Variants in CCDC88B observed in about 807,000 individuals in gnomAD.
CCDC88B encodes coiled-coil and HOOK domain protein 88B.
A neutral mutation model predicts 183.7 loss-of-function variants in CCDC88B; 138 were observed. That is an observed-to-expected ratio of 0.75 (90% confidence interval 0.65 to 0.87). The LOEUF (loss-of-function observed/expected upper bound fraction) is 0.87, where lower values mean the gene tolerates loss of function less well. CCDC88B is among the 40% of genes least tolerant of loss of function. The pLI is 0.00. For missense variants in CCDC88B, 1,822 were observed against 1,965.6 expected (o/e 0.93, Z 1.38); for synonymous variants, 835 against 867.5 (o/e 0.96, Z 0.66).
At position 64,351,479 on chromosome 11, in the gene CCDC88B, G is replaced by C; in HGVS notation, c.2962G>C (p.Ala988Pro). The change falls in exon 18 of 27, where the codon GCG becomes CCG. Residue 988 changes from alanine (A) to proline (P), a missense_variant. By Grantham distance (27) the Ala-to-Pro change is conservative (BLOSUM62 -1). Coordinates refer to ENST00000356786, the MANE Select transcript of CCDC88B (RefSeq NM_032251.6). ...GCTAACCCCCACTTCTGGGCAGAATGCGATGCTGGTGGCAGAGAAGGCAGC... is the reference window on the plus strand; with the variant it reads ...GCTAACCCCCACTTCTGGGCAGAATCCGATGCTGGTGGCAGAGAAGGCAGC... ...VRLIEVERSN[A>P]MLVAEKAALQ... 2 of 1,587,290 alleles carry C rather than the reference G, an allele frequency of 1.3e-6. No individual in the cohort carries two copies. The highest frequency in any genetic ancestry group is 1.7e-6 in the Non-Finnish European group (2 of 1,173,900).
chr11:64,353,022 C>A (rs745989236), intron 20 of CCDC88B, 32 bp from the exon 21 acceptor site: 5 of 1,553,646 alleles, frequency 3.2e-6, no homozygotes, highest in Admixed American at 1.9e-5. Flanking sequence ...GGACCCAGGT[C>A]CCTTGGAGAG....
intron 19 of CCDC88B, 118 bp downstream of exon 19, chr11:64,352,504 C>T (rs2036377636): frequency 7.1e-7 from 1 of 1,399,030 alleles, no homozygotes. Flanking sequence ...CTGTGATGCC[C>T]CGGCCACTGC....
rs754664428 is a variant in CCDC88B at position 64,343,219 on chromosome 11, C to A, written c.1103C>A (p.Ala368Glu). 2 of 1,545,290 alleles carry A rather than the reference C, an allele frequency of 1.3e-6. No individual in the cohort carries two copies. Among genetic ancestry groups the A allele is most frequent in the African/African-American group, 1.4e-5 (1 of 72,970 alleles). ...TCGGGGGTGCTGGAGGCGTCCAAGG[C>A]GCTGCTGGAAGAGCAGCTGGAGGCT... ...VLSGVLEASK[A>E]LLEEQLEAAR... The change falls in exon 11 of 27, where the codon GCG becomes GAG. Residue 368 changes from alanine (A) to glutamate (E), a missense_variant. Ala to Glu is a moderately radical substitution (Grantham distance 107). Transcript: ENST00000356786.
intron 16 of CCDC88B, 71 bp from the exon 17 acceptor site, chr11:64,351,089 G>A (rs1565054391): frequency 2.6e-6 from 3 of 1,139,188 alleles, no homozygotes; most frequent in Non-Finnish European, 3.6e-6. Context: ...AGGTCCATAA[G>A]CGCAGGTCCT....
chr11:64,355,851 T>A (rs2036531198), intron 26 of CCDC88B: 2 of 454,924 alleles, frequency 4.4e-6, no homozygotes, highest in Non-Finnish European at 7.8e-6. Flanking sequence ...ACTAGAAATA[T>A]GGTGTGAACC....
chr11:64,344,741 G>A lies in CCDC88B; in HGVS notation c.2200G>A (p.Val734Met), dbSNP rs1216234120. The stretch of plus-strand genomic sequence containing the variant: ...AGAGCAGGAGGCCCTCAGGGAGGAG[G>A]TGGCACAGTTGAGGAGAAAGGCTGA... The part of the protein sequence containing the change: ...VAEQEALREE[V>M]AQLRRKAEAL... The change falls in exon 14 of 27, where the codon GTG (valine) becomes ATG (methionine). Residue 734 changes from valine (V) to methionine (M), a missense_variant. Transcript: ENST00000356786. The surrounding 1 kb of genome is among the most constrained non-coding windows in gnomAD (Gnocchi z 4.5). 2 of 1,614,162 alleles carry A rather than the reference G, an allele frequency of 1.2e-6. No individual in the cohort carries two copies. Among genetic ancestry groups the A allele is most frequent in the East Asian group, 2.2e-5 (1 of 44,890 alleles).
At chr11:64,356,050 CTT>C (rs1203036249) in intron 26 of CCDC88B, 3 of 145,432 alleles carry the variant, frequency 2.1e-5, no homozygotes, top group African/African-American at 7.7e-5. Flanking sequence ...GAATTTCACT[CTT>C]TGGCTCACTG....
rs776516949 is a variant in CCDC88B at position 64,343,173 on chromosome 11, C to T, written c.1063-6C>T. 3.9e-6 allele frequency: 6 copies of T among 1,525,722 alleles called. No individual in the cohort carries two copies. The South Asian group carries it at 7.2e-5, about 18-fold the overall frequency. 94.5% of individuals were successfully genotyped at this position (1,525,722 alleles called of 1,614,324 possible). A position where few individuals can be genotyped will look rare whatever the true frequency, so the allele number is the denominator to read the frequency against. ...TGGCTACCGGTTCTCCCTGCTCTCC[C>T]ACCAGGAGGAGCGGGTGCTCTCGGG... On this transcript the variant is annotated splice_region_variant and splice_polypyrimidine_tract_variant and intron_variant, in intron 10 of 26. Transcript: ENST00000356786.
chr11:64,352,807 G>C lies in CCDC88B; in HGVS notation c.3420G>C (p.Glu1140Asp). ...CACAGGAGGTGGCCCTGCTGGCAGA[G>C]CGTGAACGCCTGATGCAAGATGGGC... ...VEAQEVALLAERERLMQDGHR... is the reference protein window; with the variant it reads ...VEAQEVALLADRERLMQDGHR... The change falls in exon 20 of 27, where the codon GAG (glutamate) becomes GAC (aspartate). Residue 1140 changes from glutamate to aspartate, a missense_variant. By Grantham distance (45) the Glu-to-Asp change is conservative. Transcript: ENST00000356786. 1 of 1,613,340 alleles carries C rather than the reference G, an allele frequency of 6.2e-7. No individual in the cohort carries two copies. The highest frequency in any genetic ancestry group is 8.5e-7 in the Non-Finnish European group (1 of 1,179,940).
intron 14 of CCDC88B, among the ~76,000 whole-genome samples, chr11:64,346,205 C>G (rs1456130025): frequency 6.6e-6 from 1 of 152,064 alleles, no homozygotes; most frequent in African/African-American, 2.4e-5. Flanking sequence ...GACGCAGTAG[C>G]CATGGTGTAA....
intron 26 of CCDC88B, chr11:64,356,767 T>C: frequency 2.1e-6 from 1 of 479,456 alleles, no homozygotes; most frequent in Non-Finnish European, 3.7e-6. Flanking sequence ...GCAGGCTGGT[T>C]GGAGTTTTAG....
chr11:64,347,012 T>C (rs2036139418), intron 14 of CCDC88B, among the ~76,000 whole-genome samples: 1 of 151,628 alleles, frequency 6.6e-6, no homozygotes, highest in South Asian at 2.1e-4. Flanking sequence ...GCCAGGATGG[T>C]CTCAATCTCT....
At chr11:64,341,959 T>C in intron 7 of CCDC88B, 35 bp from the exon 8 acceptor site, 1 of 1,606,104 alleles carries the variant, frequency 6.2e-7, no homozygotes, top group Non-Finnish European at 8.5e-7. Context: ...AGGCATTGGA[T>C]AAGTTAGTCC....
Position 64,344,363 on chromosome 11 carries a change from C to T in CCDC88B, c.1822C>T (p.Gln608Ter). Residue 608 changes from glutamine to a stop codon, truncating the protein, a stop_gained, in exon 14 of 27, where the codon CAG becomes TAG. Coordinates refer to ENST00000356786, the MANE Select transcript of CCDC88B (RefSeq NM_032251.6). LOFTEE classifies it high-confidence loss of function. This position sits in a 1 kb window ranked among gnomAD's most constrained non-coding sequence, Gnocchi z 4.5. ...GAGCCCTGCCTCTGTGGCCCCACCT[C>T]AGGGTCCAGGGACCAAAATTCAGGC... ...LQSPASVAPP[Q>*]GPGTKIQAPQ... 2 of 1,589,562 alleles carry T rather than the reference C, an allele frequency of 1.3e-6. No individual in the cohort carries two copies. Among genetic ancestry groups the T allele is most frequent in the Non-Finnish European group, 8.6e-7 (1 of 1,169,304 alleles).
rs552753811 is a variant in CCDC88B, at chr11:64,343,767, C to T, written c.1319-11C>T. The T allele has an allele frequency of 2.3e-5, 36 of 1,557,832 alleles. No individual in the cohort carries two copies. Among genetic ancestry groups the T allele is most frequent in the Non-Finnish European group, 3.0e-5 (34 of 1,150,082 alleles). The stretch of plus-strand genomic sequence containing the variant: ...TAAAGGAGGGGTCCTGACCTCATCT[C>T]TCATCCTCAGCACCCCTAGCAGGAG... On this transcript the variant is annotated splice_polypyrimidine_tract_variant and intron_variant, in intron 12 of 26. Transcript: ENST00000356786.
rs561060352 is a variant in CCDC88B, at chr11:64,353,424, G to A, written c.3761G>A (p.Arg1254Gln). The A allele has an allele frequency of 2.3e-5, 37 of 1,613,144 alleles. No individual in the cohort carries two copies. Among genetic ancestry groups the A allele is most frequent in the Middle Eastern group, 3.4e-4 (2 of 5,870 alleles). The change falls in exon 22 of 27, where the codon CGG (arginine) becomes CAG (glutamine). Residue 1254 changes from arginine to glutamine, a missense_variant. Transcript: ENST00000356786. ...CTGGCTGAAGTTCAGGCCCTGAGCC[G>A]GGAGAACAGGGAGCTCCTGGAGCGC... ...QLLAEVQALS[R>Q]ENRELLERSL...
Position 64,344,321 on chromosome 11 carries a change from C to G in CCDC88B, c.1780C>G (p.Arg594Gly), listed in dbSNP as rs774343841. ...ACAGGAGTCCCCGGAGAAGGCTGGC[C>G]GTAGATCCTCTCTCCAGAGCCCTGC... ...ETQESPEKAG[R>G]RSSLQSPASV... Residue 594 changes from arginine (R) to glycine (G), a missense_variant, in exon 14 of 27, where the codon CGT (arginine) becomes GGT (glycine). Coordinates refer to ENST00000356786, the MANE Select transcript of CCDC88B (RefSeq NM_032251.6). This position sits in a 1 kb window ranked among gnomAD's most constrained non-coding sequence, Gnocchi z 4.5. 2 of 1,613,230 alleles carry G rather than the reference C, an allele frequency of 1.2e-6. No individual in the cohort carries two copies. Among genetic ancestry groups the G allele is most frequent in the African/African-American group, 2.7e-5 (2 of 75,026 alleles).
chr11:64,354,733 C>T, intron 24 of CCDC88B, among the ~76,000 whole-genome samples: 1 of 117,650 alleles, frequency 8.5e-6, no homozygotes, highest in East Asian at 2.9e-4. Flanking sequence ...CCTCAGCCCC[C>T]TCTTCTGACC....
In CCDC88B at chr11:64,344,240, A is replaced by G; in HGVS notation, c.1699A>G (p.Met567Val). The G allele has an allele frequency of 6.2e-7, 1 of 1,613,256 alleles. No individual in the cohort carries two copies. Among genetic ancestry groups the G allele is most frequent in the Non-Finnish European group, 8.5e-7 (1 of 1,179,802 alleles). Reference protein sequence around the residue: ...EAESPLQAAAMDPQASDWSPQ... With the variant: ...EAESPLQAAAVDPQASDWSPQ... ...AGAGAGTCCCCTTCAGGCAGCTGCC[A>G]TGGACCCCCAGGCCTCAGACTGGTC... Residue 567 changes from methionine to valine, a missense_variant, in exon 14 of 27, where the codon ATG becomes GTG. Transcript: ENST00000356786. This position sits in a 1 kb window ranked among gnomAD's most constrained non-coding sequence, Gnocchi z 4.5.
Sources: allele counts gnomAD v4.1 joint callset (sites outside exome capture counted in the v4.1 genomes callset), GRCh38; gene constraint gnomAD v4.1.1; non-coding constraint Gnocchi (gnomAD v3.1); transcripts MANE v1.5; gene names NCBI Gene and HGNC (gene_info 2026-07-23, HGNC 2026-07-21).